The following CCDC86 variants were observed in gnomAD, a reference collection of about 807,000 sequenced individuals.
The protein encoded by CCDC86 is coiled-coil domain containing 86, also known as coiled-coil domain-containing protein 86.
A neutral mutation model predicts 36.7 loss-of-function variants in CCDC86; 28 were observed. The observed-to-expected ratio is 0.76, with a 90% CI of 0.57 to 1.05. CCDC86 has a LOEUF of 1.05. Among genes scored for constraint, CCDC86 ranks in the 50% least tolerant of loss-of-function variants. The pLI is 0.00. For missense variants in CCDC86, 453 were observed against 470.2 expected, an observed-to-expected ratio of 0.96 and a Z score of 0.34; for synonymous variants, 199 against 203.4, an observed-to-expected ratio of 0.98 and a Z score of 0.18.
intron 2 of CCDC86, among the ~76,000 whole-genome samples, chr11:60,849,322 G>A (rs776945339): frequency 2.6e-5 from 4 of 152,262 alleles, no homozygotes; most frequent in Non-Finnish European, 5.9e-5. Context: ...TTACGAGGTA[G>A]ATACTGTGGT....
At chr11:60,844,031 G>A (rs974643410) in intron 1 of CCDC86, among the ~76,000 whole-genome samples, 4 of 152,256 alleles carry the variant, frequency 2.6e-5, no homozygotes, top group African/African-American at 7.2e-5. Flanking sequence ...GTCCCAGGGG[G>A]TCACAGGAGA....
chr11:60,850,303 A>G lies in CCDC86; in HGVS notation c.1061A>G (p.Gln354Arg), dbSNP rs757119178. 6.2e-7 allele frequency: 1 copy of G among 1,614,122 alleles called. No homozygotes were observed. Among genetic ancestry groups the G allele is most frequent in the Non-Finnish European group, 8.5e-7 (1 of 1,179,974 alleles). Residue 354 changes from glutamine (Q) to arginine (R), a missense_variant, in exon 4 of 4, where the codon CAG (glutamine) becomes CGG (arginine). By Grantham distance (43) the Gln-to-Arg change is conservative. Transcript: ENST00000227520. The part of the protein sequence containing the change: ...TLALLQKQPP[Q>R]QPAAKI ...GCCCTGCTGCAGAAGCAGCCGCCCC[A>G]GCAGCCGGCAGCCAAGATCTGAGCT...
At chr11:60,843,438 C>T (rs1208826353) in intron 1 of CCDC86, among the ~76,000 whole-genome samples, 1 of 152,200 alleles carries the variant, frequency 6.6e-6, no homozygotes, top group East Asian at 1.9e-4. Flanking sequence ...GTTATTATTC[C>T]TGTTTTTTGT....
chr11:60,846,750 T>A (rs1002511117), intron 1 of CCDC86, among the ~76,000 whole-genome samples: 3 of 151,974 alleles, frequency 2.0e-5, no homozygotes, highest in African/African-American at 4.8e-5. Flanking sequence ...AATTTTGTAT[T>A]TTTAGTAGAG....
At chr11:60,843,066 G>A in intron 1 of CCDC86, 184 bp downstream of exon 1, 1 of 820,330 alleles carries the variant, frequency 1.2e-6, no homozygotes, top group South Asian at 2.5e-5. Flanking sequence ...GAGAGGGTGG[G>A]GCCAGGCCCT....
Position 60,842,632 on chromosome 11 carries a change from C to T in CCDC86, c.508C>T (p.Pro170Ser), listed in dbSNP as rs764131248. 1.2e-6 allele frequency: 2 copies of T among 1,613,832 alleles called. No individual in the cohort carries two copies. Among genetic ancestry groups the T allele is most frequent in the South Asian group, 2.2e-5 (2 of 91,078 alleles). ...AGAGCCTTACCCCGGTCAGCAAGCT[C>T]CCGGTCCGGAGCCCTCTCAGCCACT... ...SPEPYPGQQA[P>S]GPEPSQPLLE... is the part of the protein sequence containing the mutation. Residue 170 changes from proline (P) to serine (S), a missense_variant, in exon 1 of 4, where the codon CCC (proline) becomes TCC (serine). Pro to Ser is a moderately conservative substitution (Grantham distance 74). Coordinates refer to ENST00000227520, the MANE Select transcript of CCDC86 (RefSeq NM_024098.4).
At chr11:60,848,197 G>A in intron 2 of CCDC86, 144 bp downstream of exon 2, 1 of 1,059,802 alleles carries the variant, frequency 9.4e-7, no homozygotes, top group Non-Finnish European at 1.3e-6. Context: ...GCCGGAGGGA[G>A]GAAGGGCACC....
At chr11:60,849,864 C>G (rs973344021) in intron 2 of CCDC86, 76 bp from the exon 3 acceptor site, 2 of 1,265,190 alleles carry the variant, frequency 1.6e-6, no homozygotes, top group African/African-American at 2.9e-5. Context: ...TCTGCCCGCT[C>G]GCACTCTTCT....
intron 1 of CCDC86, among the ~76,000 whole-genome samples, chr11:60,847,089 C>CTTTTTTCT (rs1554975397): frequency 1.4e-5 from 2 of 144,158 alleles, no homozygotes; most frequent in African/African-American, 5.1e-5. Flanking sequence ...TTTCTTTTTT[C>CTTTTTTCT]TTTTTTTTTT....
chr11:60,850,317 A>G lies in CCDC86; in HGVS notation c.1075A>G (p.Lys359Glu), dbSNP rs1473387167. 3.7e-6 allele frequency: 6 copies of G among 1,614,130 alleles called. No individual in the cohort carries two copies. The highest frequency in any genetic ancestry group is 5.1e-6 in the Non-Finnish European group (6 of 1,179,984). The change falls in exon 4 of 4, where the codon AAG becomes GAG. Residue 359 changes from lysine to glutamate, a missense_variant. Physicochemically the swap from Lys to Glu is moderately conservative, Grantham distance 56 (BLOSUM62 1). Coordinates refer to ENST00000227520, the MANE Select transcript of CCDC86 (RefSeq NM_024098.4). Reference sequence around the variant, plus strand: ...GCAGCCGCCCCAGCAGCCGGCAGCCAAGATCTGAGCTCAGGACGGCCCGAG... The same window carrying G: ...GCAGCCGCCCCAGCAGCCGGCAGCCGAGATCTGAGCTCAGGACGGCCCGAG... ...QKQPPQQPAAKI is the reference protein window; with the variant it reads ...QKQPPQQPAAEI
intron 1 of CCDC86, among the ~76,000 whole-genome samples, chr11:60,843,896 CT>C (rs1303212512): frequency 6.6e-6 from 1 of 152,202 alleles, no homozygotes; most frequent in African/African-American, 2.4e-5. Context: ...CCCCCCACCC[CT>C]GATGAAACAG....
At position 60,842,655 on chromosome 11, in the gene CCDC86, A is replaced by G. The variant is rs1010894916; in HGVS notation, c.531A>G (p.Pro177=). Residue 177 remains proline, a synonymous_variant, in exon 1 of 4, where the codon CCA becomes CCG. Coordinates refer to ENST00000227520, the MANE Select transcript of CCDC86 (RefSeq NM_024098.4). ...QQAPGPEPSQ[P]LLELTPRAPG... ...CTCCCGGTCCGGAGCCCTCTCAGCCACTACTGGAGCTGACACCCAGGGCAC... is the reference window on the plus strand; with the variant it reads ...CTCCCGGTCCGGAGCCCTCTCAGCCGCTACTGGAGCTGACACCCAGGGCAC... 7.4e-6 allele frequency: 12 copies of G among 1,613,752 alleles called. No homozygotes were observed. Among genetic ancestry groups the G allele is most frequent in the African/African-American group, 4.0e-5 (3 of 74,922 alleles).
chr11:60,842,171 C>T lies in CCDC86; in HGVS notation c.47C>T (p.Pro16Leu), dbSNP rs750060598. ...RRSRRLGGLRPESPESLTSVS... is the reference protein window; with the variant it reads ...RRSRRLGGLRLESPESLTSVS... ...AGCCGACGGCTGGGAGGCCTAAGGC[C>T]CGAATCCCCCGAGAGCCTCACCTCA... The change falls in exon 1 of 4, where the codon CCC becomes CTC. Residue 16 changes from proline to leucine, a missense_variant. Pro to Leu is a moderately conservative substitution (Grantham distance 98). Coordinates refer to ENST00000227520, the MANE Select transcript of CCDC86 (RefSeq NM_024098.4). 99 of 1,609,540 alleles carry T rather than the reference C, an allele frequency of 6.2e-5. 2 individuals are homozygous for T. Among genetic ancestry groups the T allele is most frequent in the South Asian group, 4.5e-4 (41 of 90,846 alleles).
At chr11:60,847,090 T>G (rs1228593557) in intron 1 of CCDC86, among the ~76,000 whole-genome samples, 1 of 144,194 alleles carries the variant, frequency 6.9e-6, no homozygotes. Flanking sequence ...TTCTTTTTTC[T>G]TTTTTTTTTT....
At chr11:60,842,926 T>G in intron 1 of CCDC86, 44 bp downstream of exon 1, 1 of 1,520,534 alleles carries the variant, frequency 6.6e-7, no homozygotes, top group South Asian at 1.3e-5. Context: ...TTCTCTATGG[T>G]GTTGGGACCC....
At position 60,850,252 on chromosome 11, in the gene CCDC86, G is replaced by C; in HGVS notation, c.1010G>C (p.Arg337Pro). 1 of 1,614,210 alleles carries C rather than the reference G, an allele frequency of 6.2e-7. No individual in the cohort carries two copies. The highest frequency in any genetic ancestry group is 8.5e-7 in the Non-Finnish European group (1 of 1,180,036). Residue 337 changes from arginine (R) to proline (P), a missense_variant, in exon 4 of 4, where the codon CGC becomes CCC. By Grantham distance (103) the Arg-to-Pro change is moderately radical. Transcript: ENST00000227520. ...KLKRAKKKQL[R>P]SIEKRDTLAL... ...AAGCGGGCAAAGAAGAAGCAGCTGC[G>C]CTCCATTGAGAAGCGGGACACCCTG...
chr11:60,842,671 C>A lies in CCDC86; in HGVS notation c.547C>A (p.Pro183Thr), dbSNP rs1373010494. The A allele has an allele frequency of 6.2e-7, 1 of 1,613,816 alleles. No homozygotes were observed. The highest frequency in any genetic ancestry group is 8.5e-7 in the Non-Finnish European group (1 of 1,179,994). ...CTCTCAGCCACTACTGGAGCTGACA[C>A]CCAGGGCACCTGGCTCCCCCCGGGG... is the stretch of plus-strand genomic sequence containing the variant. The part of the protein sequence containing the change: ...EPSQPLLELT[P>T]RAPGSPRGQH... The change falls in exon 1 of 4, where the codon CCC becomes ACC. Residue 183 changes from proline (P) to threonine (T), a missense_variant. Transcript: ENST00000227520.
chr11:60,844,474 T>G (rs1470731096), intron 1 of CCDC86, among the ~76,000 whole-genome samples: 1 of 152,176 alleles, frequency 6.6e-6, no homozygotes, highest in East Asian at 1.9e-4. Flanking sequence ...TGACGCTCCC[T>G]CCTTCCTCAG....
chr11:60,846,985 T>C (rs762494788), intron 1 of CCDC86, among the ~76,000 whole-genome samples: 3 of 152,208 alleles, frequency 2.0e-5, no homozygotes, highest in Non-Finnish European at 4.4e-5. Flanking sequence ...TCAGTTCTCC[T>C]GTAACTCTAA....
Sources: allele counts gnomAD v4.1 joint callset (sites outside exome capture counted in the v4.1 genomes callset), GRCh38; gene constraint gnomAD v4.1.1; transcripts MANE v1.5; gene names NCBI Gene and HGNC (gene_info 2026-07-23, HGNC 2026-07-21).